SUGCT: variants seen among roughly 807,000 people sequenced by gnomAD.
SUGCT encodes succinyl-CoA:glutarate-CoA transferase.
In SUGCT, 41 loss-of-function variants were observed where a neutral mutation model predicts 55.0. The ratio of observed to expected loss-of-function variants is 0.74; its 90% confidence interval spans 0.58 to 0.97. The LOEUF (loss-of-function observed/expected upper bound fraction) is 0.97, where lower values mean the gene tolerates loss of function less well. Among genes scored for constraint, SUGCT ranks in the 50% least tolerant of loss-of-function variants. The pLI, the probability that SUGCT is intolerant of heterozygous loss-of-function variation, is 0.00. For missense variants in SUGCT, 568 were observed against 547.8 expected (o/e 1.04, Z -0.37); for synonymous variants, 187 against 200.4 (o/e 0.93, Z 0.56).
At chr7:40,748,420 T>A (rs1424717746) in intron 12 of SUGCT, among the ~76,000 whole-genome samples, 3 of 151,506 alleles carry the variant, frequency 2.0e-5, no homozygotes, top group Non-Finnish European at 4.4e-5. Flanking sequence ...TGATTGTTTT[T>A]AACTAATTTA....
intron 8 of SUGCT, among the ~76,000 whole-genome samples, chr7:40,296,553 T>C (rs75008776): frequency 0.012 from 1,829 of 152,126 alleles, 32 homozygotes; most frequent in African/African-American, 0.042. Context: ...AATTTTTTTT[T>C]CCCTTATAAG....
intron 13 of SUGCT, among the ~76,000 whole-genome samples, chr7:40,820,589 T>A (rs1791937509): frequency 6.6e-6 from 1 of 152,218 alleles, no homozygotes; most frequent in African/African-American, 2.4e-5. Context: ...TGTATAGGAA[T>A]GCTTGTGATT....
chr7:40,508,956 C>A (rs924403978), intron 12 of SUGCT, among the ~76,000 whole-genome samples: 1 of 152,072 alleles, frequency 6.6e-6, no homozygotes, highest in African/African-American at 2.4e-5. Context: ...CTTGCCCTGA[C>A]CTTGCTAGCT....
chr7:40,580,492 A>C (rs1411126511), intron 12 of SUGCT, among the ~76,000 whole-genome samples: 1 of 152,176 alleles, frequency 6.6e-6, no homozygotes, highest in African/African-American at 2.4e-5. Flanking sequence ...CTTTCATTTT[A>C]TCACACATAT....
the SUGCT span, among the ~76,000 whole-genome samples, chr7:40,886,757 G>GCA: frequency 6.6e-6 from 1 of 152,100 alleles, no homozygotes; most frequent in Non-Finnish European, 1.5e-5. Flanking sequence ...TACCCATGTT[G>GCA]GTATGCAGTA....
chr7:40,768,267 G>A (rs1788906403), intron 13 of SUGCT, among the ~76,000 whole-genome samples: 1 of 152,116 alleles, frequency 6.6e-6, no homozygotes, highest in East Asian at 1.9e-4. Flanking sequence ...CAGCTTTAGT[G>A]GAAGAGGCAG....
At chr7:40,972,019 T>C in the SUGCT span, among the ~76,000 whole-genome samples, 1 of 152,212 alleles carries the variant, frequency 6.6e-6, no homozygotes, top group Middle Eastern at 3.2e-3. Context: ...AAGCTCTGGT[T>C]AACATTTTTC....
chr7:40,200,325 C>A (rs1318059847), intron 6 of SUGCT, among the ~76,000 whole-genome samples: 1 of 152,016 alleles, frequency 6.6e-6, no homozygotes, highest in Non-Finnish European at 1.5e-5. Context: ...ATAATAAATA[C>A]AACATGTATT....
chr7:40,340,728 A>G (rs1362644155), intron 9 of SUGCT, among the ~76,000 whole-genome samples: 2 of 152,336 alleles, frequency 1.3e-5, no homozygotes, highest in Non-Finnish European at 1.5e-5. Context: ...ACACAGCACA[A>G]AAAGGACTGC....
intron 8 of SUGCT, among the ~76,000 whole-genome samples, chr7:40,280,478 G>T (rs998313027): frequency 1.3e-5 from 2 of 152,102 alleles, no homozygotes; most frequent in African/African-American, 4.8e-5. Context: ...ATTGCAACCA[G>T]GCTCCCTTAA....
intron 6 of SUGCT, among the ~76,000 whole-genome samples, chr7:40,204,091 T>G (rs1297773399): frequency 6.6e-6 from 1 of 150,448 alleles, no homozygotes; most frequent in Non-Finnish European, 1.5e-5. Flanking sequence ...CAGGCTCACG[T>G]GATCCTCCCG....
intron 12 of SUGCT, among the ~76,000 whole-genome samples, chr7:40,627,920 C>T (rs1799598795): frequency 6.6e-6 from 1 of 152,166 alleles, no homozygotes; most frequent in Admixed American, 6.5e-5. Flanking sequence ...TTGACATCCT[C>T]AAATTGAAAC....
intron 13 of SUGCT, among the ~76,000 whole-genome samples, chr7:40,800,289 T>A (rs1185909130): frequency 6.8e-6 from 1 of 148,008 alleles, no homozygotes; most frequent in South Asian, 2.1e-4. Flanking sequence ...TTCATGACTT[T>A]TTTTTTTTTT....
At chr7:40,940,348 C>CT in the SUGCT span, among the ~76,000 whole-genome samples, 1 of 151,800 alleles carries the variant, frequency 6.6e-6, no homozygotes, top group Non-Finnish European at 1.5e-5. Context: ...CTTAGGGTTG[C>CT]CTTGGCTATT....
chr7:40,596,478 T>A (rs73689829), intron 12 of SUGCT, among the ~76,000 whole-genome samples: 3,295 of 152,264 alleles, frequency 0.022, 118 homozygotes, highest in African/African-American at 0.072. Flanking sequence ...GGAAATGGGA[T>A]CCTTTAAACA....
intron 12 of SUGCT, among the ~76,000 whole-genome samples, chr7:40,692,506 C>T (rs988447955): frequency 3.3e-5 from 5 of 152,052 alleles, no homozygotes; most frequent in African/African-American, 4.8e-5. Flanking sequence ...CAAAGGGTCT[C>T]GTACTGTGTA....
Position 40,237,635 on chromosome 7 carries a change from G to T in SUGCT, c.485G>T (p.Gly162Val). Reference protein sequence around the residue: ...APHIIYCSITGYGQTGPISQR... With the variant: ...APHIIYCSITVYGQTGPISQR... ...AATATGTTTATTTTTGTTGTTTTAG[G>T]GTATGGTCAGACAGGTCCAATTTCT... is the stretch of plus-strand genomic sequence containing the variant. The change falls in exon 7 of 14, where the codon GGG (glycine) becomes GTG (valine). Residue 162 changes from glycine to valine, a missense_variant and splice_region_variant. Physicochemically the swap from Gly to Val is moderately radical, Grantham distance 109 (BLOSUM62 -3). Coordinates refer to ENST00000335693, the MANE Select transcript of SUGCT (RefSeq NM_001193313.2). 1 of 1,613,484 alleles carries T rather than the reference G, an allele frequency of 6.2e-7. No homozygotes were observed. Among genetic ancestry groups the T allele is most frequent in the African/African-American group, 1.3e-5 (1 of 74,990 alleles).
chr7:40,454,352 A>AATCT (rs1470956561), intron 10 of SUGCT, among the ~76,000 whole-genome samples: 2 of 152,230 alleles, frequency 1.3e-5, no homozygotes, highest in Non-Finnish European at 2.9e-5. Flanking sequence ...AACTGAAAAA[A>AATCT]ATCTATGCAT....
chr7:40,978,667 A>G, the SUGCT span, among the ~76,000 whole-genome samples: 2 of 152,198 alleles, frequency 1.3e-5, no homozygotes, highest in African/African-American at 4.8e-5. Context: ...GACCAAAAGG[A>G]TAAGGATAAG....
Sources: allele counts gnomAD v4.1 joint callset (sites outside exome capture counted in the v4.1 genomes callset), GRCh38; gene constraint gnomAD v4.1.1; transcripts MANE v1.5; gene names NCBI Gene and HGNC (gene_info 2026-07-23, HGNC 2026-07-21).